SYT10: variants seen among roughly 807,000 people sequenced by gnomAD.
The protein encoded by SYT10 is synaptotagmin-10.
Under a neutral mutation model 51.1 loss-of-function variants are expected in SYT10, and 31 were observed. That is an observed-to-expected ratio of 0.61 (90% CI 0.46 to 0.82). SYT10 has a LOEUF of 0.82. SYT10 is among the 40% of genes least tolerant of loss of function. The pLI is 0.00. For missense variants in SYT10, 603 were observed against 634.0 expected (o/e 0.95, Z 0.53); for synonymous variants, 233 against 225.9 (o/e 1.03, Z -0.28).
intron 2 of SYT10, 88 bp from the exon 3 acceptor site, chr12:33,407,444 C>T: frequency 3.7e-6 from 5 of 1,362,566 alleles, no homozygotes; most frequent in Non-Finnish European, 5.0e-6. Flanking sequence ...CTTCCCCACC[C>T]CCAGAATAGT....
chr12:33,434,099 C>T (rs1866618636), intron 1 of SYT10, among the ~76,000 whole-genome samples: 1 of 152,150 alleles, frequency 6.6e-6, no homozygotes, highest in Non-Finnish European at 1.5e-5. Context: ...ACATGCTTTC[C>T]TTTTACTGCC....
intron 3 of SYT10, among the ~76,000 whole-genome samples, chr12:33,387,993 C>T (rs1432291513): frequency 3.3e-5 from 5 of 152,022 alleles, no homozygotes; most frequent in African/African-American, 7.2e-5. Flanking sequence ...CTACCTGCCT[C>T]GGTCTCCCAA....
intron 1 of SYT10, 118 bp downstream of exon 1, chr12:33,439,254 C>G: frequency 7.6e-7 from 1 of 1,318,830 alleles, no homozygotes; most frequent in Non-Finnish European, 1.0e-6. Context: ...GGTAGGAAAG[C>G]GTGGCGCCCC....
chr12:33,384,756 G>A (rs1178651608), intron 4 of SYT10, among the ~76,000 whole-genome samples: 2 of 152,150 alleles, frequency 1.3e-5, no homozygotes, highest in Non-Finnish European at 2.9e-5. Flanking sequence ...TGGTAGTCGT[G>A]GAACATGGCT....
chr12:33,397,892 T>C (rs1866270425), intron 3 of SYT10, among the ~76,000 whole-genome samples: 1 of 152,046 alleles, frequency 6.6e-6, no homozygotes, highest in Admixed American at 6.5e-5. Context: ...ATAAGAAAGC[T>C]TGTGGGCCTG....
intron 3 of SYT10, among the ~76,000 whole-genome samples, chr12:33,397,567 G>A (rs1453348549): frequency 6.6e-6 from 1 of 152,148 alleles, no homozygotes. Flanking sequence ...AAACCGACCA[G>A]CCTTTTGAGG....
intron 3 of SYT10, among the ~76,000 whole-genome samples, chr12:33,390,767 A>C (rs1866198159): frequency 6.6e-6 from 1 of 152,200 alleles, no homozygotes; most frequent in Non-Finnish European, 1.5e-5. Flanking sequence ...GCACTCTTCT[A>C]GTCATTGAAG....
chr12:33,385,816 C>A (rs1207797474), intron 3 of SYT10, among the ~76,000 whole-genome samples: 1 of 152,184 alleles, frequency 6.6e-6, no homozygotes, highest in Non-Finnish European at 1.5e-5. Context: ...ACAAAATTCT[C>A]ATTCCAGAAG....
In SYT10 at chr12:33,439,530, C is replaced by T; in HGVS notation, c.-8G>A. ...CTCCTTGTGGAAACTCATCGTTTGG[C>T]TTTTCTTTCGTTTTCTCTTTTTTTC... On this transcript the variant is annotated 5_prime_UTR_variant, in exon 1 of 7. Transcript: ENST00000228567. 6.2e-7 allele frequency: 1 copy of T among 1,611,622 alleles called. No individual in the cohort carries two copies. The highest frequency in any genetic ancestry group is 8.5e-7 in the Non-Finnish European group (1 of 1,178,362).
intron 1 of SYT10, 135 bp from the exon 2 acceptor site, chr12:33,426,630 G>GT: frequency 3.5e-6 from 3 of 846,714 alleles, no homozygotes; most frequent in Non-Finnish European, 5.2e-6. Context: ...AGTTATCTTT[G>GT]TAGGAAGAAA....
chr12:33,436,210 A>C (rs1469049687), intron 1 of SYT10, among the ~76,000 whole-genome samples: 1 of 152,172 alleles, frequency 6.6e-6, no homozygotes, highest in Non-Finnish European at 1.5e-5. Flanking sequence ...AAACGATTAT[A>C]TATATTCAGT....
intron 3 of SYT10, among the ~76,000 whole-genome samples, chr12:33,386,058 C>T (rs1866153944): frequency 1.3e-5 from 2 of 152,142 alleles, no homozygotes; most frequent in Admixed American, 1.3e-4. Context: ...GAGTCTCGCT[C>T]TGTTGCCCAG....
chr12:33,416,493 A>G lies in SYT10; in HGVS notation c.510-9137T>C, dbSNP rs556129352. 7.9e-5 allele frequency among the ~76,000 whole-genome samples: 12 copies of G among 152,302 alleles called. No homozygotes were observed. The South Asian group carries it at 1.0e-3, about 13-fold the overall frequency. On this transcript the variant is annotated intron_variant, in intron 2 of 6. Coordinates refer to ENST00000228567, the MANE Select transcript of SYT10 (RefSeq NM_198992.4). ...TCTATTGATATTGAAAACCCTTTCTATAAAGTCTTCATTATCTTAGTCTTC... is the reference window on the plus strand; with the variant it reads ...TCTATTGATATTGAAAACCCTTTCTGTAAAGTCTTCATTATCTTAGTCTTC...
rs1378185573 is a variant in SYT10, at chr12:33,407,108, A to C, written c.758T>G (p.Ile253Ser). Residue 253 changes from isoleucine to serine, a missense_variant, in exon 3 of 7, where the codon ATC (isoleucine) becomes AGC (serine). Transcript: ENST00000228567. ...TTTAGCAGGGAGATCTAAAGCTTTG[A>C]TAATTTTAACAACTAGAAGTTCATT... ...YENELLVVKI[I>S]KALDLPAKDF... 6.2e-7 allele frequency: 1 copy of C among 1,613,712 alleles called. No homozygotes were observed. Among genetic ancestry groups the C allele is most frequent in the Non-Finnish European group, 8.5e-7 (1 of 1,179,872 alleles).
intron 3 of SYT10, among the ~76,000 whole-genome samples, chr12:33,404,215 G>A (rs1469142011): frequency 6.6e-6 from 1 of 152,046 alleles, no homozygotes; most frequent in Non-Finnish European, 1.5e-5. Flanking sequence ...TTGAGATGGG[G>A]AGATTTTCCT....
At chr12:33,415,329 T>C (rs1021699663) in intron 2 of SYT10, among the ~76,000 whole-genome samples, 1 of 152,166 alleles carries the variant, frequency 6.6e-6, no homozygotes, top group African/African-American at 2.4e-5. Flanking sequence ...CCAAAGTACA[T>C]ATGCCATAAT....
intron 2 of SYT10, among the ~76,000 whole-genome samples, chr12:33,413,439 T>C (rs1866425316): frequency 6.6e-6 from 1 of 152,266 alleles, no homozygotes; most frequent in South Asian, 2.1e-4. Context: ...GAGAGAAAGG[T>C]TGGGTTACCC....
At position 33,375,530 on chromosome 12, in the gene SYT10, CT is replaced by C. The variant is rs1866055169; in HGVS notation, c.*1299del. Reference sequence around the variant, plus strand: ...CAGTATAGATACCTTCCAACAGGGCCTGAAAATGGGACAAAATATGTTGACC... The same window carrying C: ...CAGTATAGATACCTTCCAACAGGGCCGAAAATGGGACAAAATATGTTGACC... On this transcript the variant is annotated 3_prime_UTR_variant, in exon 7 of 7. Transcript: ENST00000228567. 6.6e-6 allele frequency: 1 copy of C among 151,814 alleles called. No individual in the cohort carries two copies. The highest frequency in any genetic ancestry group is 1.5e-5 in the Non-Finnish European group (1 of 67,928). 9.4% of individuals were successfully genotyped at this position (151,814 alleles called of 1,614,324 possible).
intron 1 of SYT10, among the ~76,000 whole-genome samples, chr12:33,434,934 T>G (rs138153531): frequency 2.5e-3 from 387 of 152,378 alleles, no homozygotes; most frequent in African/African-American, 9.1e-3. Flanking sequence ...TGACTTAATG[T>G]GTACAACGTT....
Sources: gnomAD v4.1 joint callset for allele counts (sites outside exome capture counted in the v4.1 genomes callset) on GRCh38, gnomAD v4.1.1 for gene constraint, MANE v1.5 for transcripts, NCBI Gene and HGNC (gene_info 2026-07-23, HGNC 2026-07-21) for gene names.